Variants in PLXNA4 observed in about 807,000 individuals in gnomAD.
The protein encoded by PLXNA4 is plexin A4, also known as plexin-A4.
In PLXNA4, 44 loss-of-function variants were observed where a neutral mutation model predicts 191.8. The observed-to-expected ratio is 0.23, with a 90% confidence interval of 0.18 to 0.29. The LOEUF is 0.29. Among genes scored for constraint, PLXNA4 ranks in the 10% least tolerant of loss-of-function variants. PLXNA4 has a pLI of 1.00. For missense variants in PLXNA4, 1,800 were observed against 2,488.8 expected (o/e 0.72, Z 5.89); for synonymous variants, 1,082 against 1,009.5 (o/e 1.07, Z -1.36).
chr7:132,211,749 A>G (rs1224531877), intron 9 of PLXNA4, among the ~76,000 whole-genome samples: 1 of 152,196 alleles, frequency 6.6e-6, no homozygotes, highest in Non-Finnish European at 1.5e-5. Context: ...CCTGGCCCCA[A>G]AGAAATGCCT....
At chr7:132,478,236 T>A (rs1318116636) in intron 3 of PLXNA4, among the ~76,000 whole-genome samples, 1 of 152,244 alleles carries the variant, frequency 6.6e-6, no homozygotes, top group Non-Finnish European at 1.5e-5. Context: ...TTAAGATGTA[T>A]CTTTCTCTCC....
At chr7:132,265,947 G>T (rs529379494) in intron 4 of PLXNA4, among the ~76,000 whole-genome samples, 48 of 152,322 alleles carry the variant, frequency 3.2e-4, no homozygotes, top group Admixed American at 2.5e-3. Flanking sequence ...AAAGGGATGG[G>T]TGGGAATAAG....
intron 3 of PLXNA4, among the ~76,000 whole-genome samples, chr7:132,438,794 CT>C (rs113346014): frequency 2.0e-5 from 3 of 151,170 alleles, no homozygotes; most frequent in Non-Finnish European, 3.0e-5. Flanking sequence ...GGTCTAATAG[CT>C]TTTTTTTTCA....
intron 22 of PLXNA4, among the ~76,000 whole-genome samples, chr7:132,165,718 G>GAA (rs3085196): frequency 0.25 from 37,509 of 149,174 alleles, 6,395 homozygotes; most frequent in African/African-American, 0.49. Context: ...TCTTTTGGGT[G>GAA]AAAAAAAAAA....
intron 3 of PLXNA4, among the ~76,000 whole-genome samples, chr7:132,456,753 G>T (rs929246736): frequency 6.6e-6 from 1 of 152,136 alleles, no homozygotes; most frequent in Non-Finnish European, 1.5e-5. Context: ...AATCAGAAAG[G>T]CTGAGGGCAG....
At chr7:132,487,543 G>A (rs1031209221) in intron 3 of PLXNA4, among the ~76,000 whole-genome samples, 1 of 152,196 alleles carries the variant, frequency 6.6e-6, no homozygotes, top group African/African-American at 2.4e-5. Context: ...CTGCCCAAAA[G>A]CTCATGTACT....
chr7:132,469,097 G>A (rs1306335365), intron 3 of PLXNA4, among the ~76,000 whole-genome samples: 1 of 100,200 alleles, frequency 1.0e-5, no homozygotes, highest in African/African-American at 4.1e-5. Flanking sequence ...AAACTAAATT[G>A]AGCTCGGAAA....
At chr7:132,548,941 T>C (rs1399594124) in intron 1 of PLXNA4, among the ~76,000 whole-genome samples, 1 of 152,180 alleles carries the variant, frequency 6.6e-6, no homozygotes, top group Non-Finnish European at 1.5e-5. Context: ...AGTATCATGG[T>C]AAAAGACACT....
At chr7:132,555,522 T>C (rs1257285963) in intron 1 of PLXNA4, among the ~76,000 whole-genome samples, 1 of 152,248 alleles carries the variant, frequency 6.6e-6, no homozygotes. Flanking sequence ...TAATATTACC[T>C]CTCCACTTAT....
intron 5 of PLXNA4, among the ~76,000 whole-genome samples, chr7:132,231,545 C>T (rs563345471): frequency 1.3e-5 from 2 of 152,354 alleles, no homozygotes; most frequent in Admixed American, 6.5e-5. Flanking sequence ...CCACCTCAGC[C>T]TCCCAAGTAG....
chr7:132,249,055 G>A (rs1799156667), intron 4 of PLXNA4, among the ~76,000 whole-genome samples: 1 of 152,222 alleles, frequency 6.6e-6, no homozygotes, highest in Non-Finnish European at 1.5e-5. Context: ...GACCTCTGGG[G>A]TCAAGGTTGA....
At chr7:132,512,480 A>G (rs1798759581) in intron 1 of PLXNA4, among the ~76,000 whole-genome samples, 1 of 152,212 alleles carries the variant, frequency 6.6e-6, no homozygotes, top group African/African-American at 2.4e-5. Flanking sequence ...TACTACACCC[A>G]GAGAGGAGGG....
intron 3 of PLXNA4, among the ~76,000 whole-genome samples, chr7:132,358,008 A>ACAACAATAT (rs1803780440): frequency 6.6e-6 from 1 of 152,210 alleles, no homozygotes; most frequent in Non-Finnish European, 1.5e-5. Flanking sequence ...AGGGGAAAGG[A>ACAACAATAT]CAACAATATA....
chr7:132,158,574 G>A (rs1009880859), intron 25 of PLXNA4, among the ~76,000 whole-genome samples: 2 of 152,192 alleles, frequency 1.3e-5, no homozygotes, highest in African/African-American at 2.4e-5. Flanking sequence ...CATTAAAGAC[G>A]CTTTTACATG....
At chr7:132,637,734 G>A (rs1173484530) in intron 2 of PLXNA4, among the ~76,000 whole-genome samples, 3 of 152,152 alleles carry the variant, frequency 2.0e-5, no homozygotes, top group Admixed American at 2.0e-4. Flanking sequence ...TGAAAATGAG[G>A]ACAGGACATC....
intron 2 of PLXNA4, among the ~76,000 whole-genome samples, chr7:132,639,436 T>C (rs1285474817): frequency 3.3e-5 from 5 of 152,222 alleles, no homozygotes; most frequent in African/African-American, 1.2e-4. Flanking sequence ...GACATCATTG[T>C]GTGTATAAGA....
chr7:132,644,217 C>T (rs1803811316), intron 2 of PLXNA4, among the ~76,000 whole-genome samples: 1 of 152,142 alleles, frequency 6.6e-6, no homozygotes, highest in South Asian at 2.1e-4. Flanking sequence ...ACTTAACCTC[C>T]TCTCATGGTA....
intron 4 of PLXNA4, among the ~76,000 whole-genome samples, chr7:132,261,695 G>T (rs1427187630): frequency 6.6e-6 from 1 of 152,196 alleles, no homozygotes; most frequent in South Asian, 2.1e-4. Flanking sequence ...GGCAGCTGCC[G>T]GCCAGCCTCG....
intron 3 of PLXNA4, among the ~76,000 whole-genome samples, chr7:132,486,416 T>C (rs1797558787): frequency 6.6e-6 from 1 of 152,252 alleles, no homozygotes; most frequent in African/African-American, 2.4e-5. Flanking sequence ...TTGCTTTTTA[T>C]TATTTCAAAC....
Sources: gnomAD v4.1 joint callset for allele counts (sites outside exome capture counted in the v4.1 genomes callset) on GRCh38, gnomAD v4.1.1 for gene constraint, MANE v1.5 for transcripts, NCBI Gene and HGNC (gene_info 2026-07-23, HGNC 2026-07-21) for gene names.